UNC5C: variants seen among roughly 807,000 people sequenced by gnomAD.
UNC5C encodes the protein unc-5 netrin receptor C.
A neutral mutation model predicts 99.8 loss-of-function variants in UNC5C; 47 were observed. The ratio of observed to expected loss-of-function variants is 0.47; its 90% CI spans 0.37 to 0.60. The LOEUF (loss-of-function observed/expected upper bound fraction) is 0.60, where lower values mean the gene tolerates loss of function less well. UNC5C is among the 20% of genes least tolerant of loss of function. The pLI, the probability that UNC5C is intolerant of heterozygous loss-of-function variation, is 0.00. For missense variants in UNC5C, 1,062 were observed against 1,165.9 expected, an observed-to-expected ratio of 0.91 and a Z score of 1.30; for synonymous variants, 487 against 452.2, an observed-to-expected ratio of 1.08 and a Z score of -0.98.
At chr4:95,323,373 A>G (rs940063527) in intron 2 of UNC5C, among the ~76,000 whole-genome samples, 4 of 152,204 alleles carry the variant, frequency 2.6e-5, no homozygotes, top group Non-Finnish European at 5.9e-5. Flanking sequence ...CAAGTTATCT[A>G]AGACTAATAA....
At chr4:95,471,698 G>A (rs1747973335) in intron 1 of UNC5C, among the ~76,000 whole-genome samples, 1 of 152,082 alleles carries the variant, frequency 6.6e-6, no homozygotes, top group Admixed American at 6.6e-5. Context: ...AGGCATATAG[G>A]CACATACATA....
At chr4:95,341,645 G>A (rs564049959) in intron 1 of UNC5C, among the ~76,000 whole-genome samples, 1 of 152,160 alleles carries the variant, frequency 6.6e-6, no homozygotes, top group East Asian at 1.9e-4. Context: ...CTCCCTGCAG[G>A]AACATCAAAT....
intron 2 of UNC5C, among the ~76,000 whole-genome samples, chr4:95,329,408 T>C (rs1471587582): frequency 6.6e-6 from 1 of 152,244 alleles, no homozygotes; most frequent in African/African-American, 2.4e-5. Flanking sequence ...TATTTTCAGA[T>C]AGTTCCTAGG....
At chr4:95,216,100 G>A (rs2149366393) in intron 10 of UNC5C, 24 bp downstream of exon 10, 1 of 1,590,164 alleles carries the variant, frequency 6.3e-7, no homozygotes. Context: ...GGTAAAGTCA[G>A]TGCACCAGAA....
At chr4:95,530,492 A>G (rs1216420552) in intron 1 of UNC5C, among the ~76,000 whole-genome samples, 1 of 152,196 alleles carries the variant, frequency 6.6e-6, no homozygotes, top group African/African-American at 2.4e-5. Flanking sequence ...AAAATGCAAA[A>G]CACTACCAAG....
intron 1 of UNC5C, among the ~76,000 whole-genome samples, chr4:95,445,091 A>G (rs1181742738): frequency 1.3e-5 from 2 of 152,082 alleles, no homozygotes; most frequent in African/African-American, 2.4e-5. Context: ...ACCTCACCCA[A>G]CTTATTTTCA....
At chr4:95,434,512 GCTTGGAATAGATCTTAGCTTTATATACTT>G (rs1286374059) in intron 1 of UNC5C, among the ~76,000 whole-genome samples, 1 of 152,056 alleles carries the variant, frequency 6.6e-6, no homozygotes, top group Non-Finnish European at 1.5e-5. Flanking sequence ...CCAAGCTGAG[GCTTGGAATAGATCTTAGCTTTATATACTT>G]CCTTTACACA....
chr4:95,227,471 G>T (rs1159155814), intron 7 of UNC5C, among the ~76,000 whole-genome samples: 1 of 152,102 alleles, frequency 6.6e-6, no homozygotes, highest in East Asian at 1.9e-4. Flanking sequence ...TATTTTTAAA[G>T]AAAATTTATT....
At chr4:95,292,218 C>T (rs4699842) in intron 3 of UNC5C, among the ~76,000 whole-genome samples, 6,843 of 87,490 alleles carry the variant, frequency 0.078, 245 homozygotes, top group South Asian at 0.23. Context: ...CATATATATA[C>T]ACACACACAC....
chr4:95,536,985 T>A (rs1722797555), intron 1 of UNC5C, among the ~76,000 whole-genome samples: 2 of 152,160 alleles, frequency 1.3e-5, no homozygotes, highest in Non-Finnish European at 2.9e-5. Flanking sequence ...ACCTCTTGAT[T>A]TTATTAAGAA....
intron 1 of UNC5C, among the ~76,000 whole-genome samples, chr4:95,467,300 T>C (rs531719208): frequency 6.6e-6 from 1 of 152,234 alleles, no homozygotes; most frequent in East Asian, 1.9e-4. Flanking sequence ...AGATAATGAA[T>C]GCAATCACTT....
intron 9 of UNC5C, among the ~76,000 whole-genome samples, chr4:95,218,381 A>G (rs1396010815): frequency 2.0e-5 from 3 of 152,188 alleles, no homozygotes; most frequent in Non-Finnish European, 4.4e-5. Context: ...AACTGAAACC[A>G]AGTAATAGTA....
chr4:95,364,565 A>G (rs935590198), intron 1 of UNC5C, among the ~76,000 whole-genome samples: 1 of 152,194 alleles, frequency 6.6e-6, no homozygotes, highest in African/African-American at 2.4e-5. Context: ...ATGTAATTTT[A>G]CCTGCTGGTT....
Position 95,548,721 on chromosome 4 carries a change from C to A in UNC5C, c.124+13G>T. ...TAAGGGAGGTGGCCGCGGAGCTTGG[C>A]GGACCCCCTTACCTTGGGCGGCGGA... On this transcript the variant is annotated intron_variant, in intron 1 of 15. Coordinates refer to ENST00000453304, the MANE Select transcript of UNC5C (RefSeq NM_003728.4). 3 of 1,611,124 alleles carry A rather than the reference C, an allele frequency of 1.9e-6. No individual in the cohort carries two copies. The highest frequency in any genetic ancestry group is 2.2e-5 in the South Asian group (2 of 90,896).
At chr4:95,440,229 T>A (rs1003505112) in intron 1 of UNC5C, among the ~76,000 whole-genome samples, 1 of 152,150 alleles carries the variant, frequency 6.6e-6, no homozygotes, top group Non-Finnish European at 1.5e-5. Flanking sequence ...CAGTAGATTG[T>A]TTTCAGTAGG....
chr4:95,269,653 T>C (rs6854756), intron 4 of UNC5C, among the ~76,000 whole-genome samples: 15,509 of 151,986 alleles, frequency 0.1, 2,261 homozygotes, highest in African/African-American at 0.33. Context: ...TCTAAGCTCC[T>C]AGATCGTGTT....
chr4:95,473,818 G>A (rs1748049257), intron 1 of UNC5C, among the ~76,000 whole-genome samples: 1 of 152,054 alleles, frequency 6.6e-6, no homozygotes, highest in African/African-American at 2.4e-5. Context: ...AGCTATAAAT[G>A]ACTTAATTAT....
intron 1 of UNC5C, among the ~76,000 whole-genome samples, chr4:95,396,899 A>G (rs1451215417): frequency 2.0e-5 from 3 of 152,186 alleles, no homozygotes; most frequent in Non-Finnish European, 4.4e-5. Context: ...AGGTACTGTC[A>G]TTATACCAAG....
At chr4:95,443,270 G>A (rs1747003527) in intron 1 of UNC5C, among the ~76,000 whole-genome samples, 1 of 152,258 alleles carries the variant, frequency 6.6e-6, no homozygotes, top group Non-Finnish European at 1.5e-5. Flanking sequence ...ACACAGCCAG[G>A]CAAGGGACAT....
Sources: allele counts gnomAD v4.1 joint callset (sites outside exome capture counted in the v4.1 genomes callset), GRCh38; gene constraint gnomAD v4.1.1; transcripts MANE v1.5; gene names NCBI Gene and HGNC (gene_info 2026-07-23, HGNC 2026-07-21).